Variants in GRM7 observed in about 807,000 individuals in gnomAD.
GRM7 encodes glutamate metabotropic receptor 7.
Under a neutral mutation model 84.5 loss-of-function variants are expected in GRM7, and 35 were observed. The observed-to-expected ratio is 0.41, with a 90% CI of 0.32 to 0.55. The LOEUF is 0.55. GRM7 is among the 20% of genes least tolerant of loss of function. The pLI, the probability that GRM7 is intolerant of heterozygous loss-of-function variation, is 0.19. For synonymous variants in GRM7, 487 were observed against 455.1 expected, an observed-to-expected ratio of 1.07 and a Z score of -0.89; for missense variants, 1,003 against 1,194.6, an observed-to-expected ratio of 0.84 and a Z score of 2.36.
intron 2 of GRM7, among the ~76,000 whole-genome samples, chr3:7,240,730 T>C (rs1697528295): frequency 6.6e-6 from 1 of 152,132 alleles, no homozygotes. Context: ...GGTAGCATGG[T>C]TTTTAGCATA....
At chr3:7,119,708 C>G (rs370474627) in intron 1 of GRM7, among the ~76,000 whole-genome samples, 1 of 152,096 alleles carries the variant, frequency 6.6e-6, no homozygotes, top group Admixed American at 6.6e-5. Context: ...TTTCTGTGAG[C>G]TCTTCCTCTG....
At chr3:7,600,053 C>T (rs17666242) in intron 8 of GRM7, among the ~76,000 whole-genome samples, 26,233 of 152,030 alleles carry the variant, frequency 0.17, 2,553 homozygotes, top group Middle Eastern at 0.27. Flanking sequence ...CTAAACTGTC[C>T]AAAGATGTTG....
intron 9 of GRM7, among the ~76,000 whole-genome samples, chr3:7,700,768 AG>A (rs1701198342): frequency 6.6e-6 from 1 of 152,204 alleles, no homozygotes; most frequent in South Asian, 2.1e-4. Flanking sequence ...ACGCATTGTT[AG>A]GGAAAAAAAG....
intron 1 of GRM7, among the ~76,000 whole-genome samples, chr3:7,088,625 C>A (rs923586491): frequency 1.6e-5 from 2 of 123,106 alleles, no homozygotes; most frequent in Non-Finnish European, 3.3e-5. Context: ...TTGAATGAAT[C>A]CTTTTGTTCA....
intron 2 of GRM7, among the ~76,000 whole-genome samples, chr3:7,235,648 A>G (rs112452186): frequency 5.3e-5 from 8 of 152,328 alleles, no homozygotes; most frequent in African/African-American, 1.7e-4. Context: ...CTCTCTATTT[A>G]ACACATTGCA....
intron 1 of GRM7, among the ~76,000 whole-genome samples, chr3:6,994,014 T>C (rs1375240595): frequency 6.6e-6 from 1 of 152,044 alleles, no homozygotes; most frequent in Admixed American, 6.6e-5. Flanking sequence ...TTGCCAAAAA[T>C]AGAAAACGAT....
chr3:7,029,603 T>G (rs531048659), intron 1 of GRM7, among the ~76,000 whole-genome samples: 1 of 152,252 alleles, frequency 6.6e-6, no homozygotes, highest in East Asian at 1.9e-4. Context: ...AAGCCAGCTA[T>G]AAAAGGACAA....
At chr3:6,979,929 C>T (rs1486104891) in intron 1 of GRM7, among the ~76,000 whole-genome samples, 8 of 152,026 alleles carry the variant, frequency 5.3e-5, no homozygotes, top group Non-Finnish European at 8.8e-5. Context: ...GTATGTCATT[C>T]TGTGAGGGGT....
In GRM7 at chr3:7,487,203, G is replaced by A. The variant is rs573361453; in HGVS notation, c.1515+25481G>A. On this transcript the variant is annotated intron_variant, in intron 7 of 9. Transcript: ENST00000357716. ...TAGAAGGAACTGTGTGGCTACTTTT[G>A]GCTGCTTAAGCTGAGATTCAGGAGC... Among the ~76,000 whole-genome samples the A allele has an allele frequency of 2.9e-4, 44 of 152,220 alleles. No homozygotes were observed. In the South Asian group the frequency reaches 8.7e-3, roughly 30 times the overall value.
chr3:7,356,920 T>TCTCACACACA lies in GRM7; in HGVS notation c.1033+50269_1033+50270insTCACACACAC, dbSNP rs1335613234. On this transcript the variant is annotated intron_variant, in intron 4 of 9. Transcript: ENST00000357716. ...CTATCATGGAACTTTGCCTTTTTGA[T>TCTCACACACA]CACACACACACACACACACACACAC... Among the ~76,000 whole-genome samples, 3 of 131,256 alleles carry TCTCACACACA rather than the reference T, an allele frequency of 2.3e-5. No individual in the cohort carries two copies. In the Admixed American group the frequency reaches 2.4e-4, roughly 10 times the overall value. 86.1% of individuals were successfully genotyped at this position (131,256 alleles called of 152,430 possible). A position where few individuals can be genotyped will look rare whatever the true frequency, so the allele number is the denominator to read the frequency against.
Position 6,869,820 on chromosome 3 carries a change from G to A in GRM7, c.519+7913G>A, listed in dbSNP as rs114098015. ...AGAGCAGTGGAAGTCTGGCAGCCTT[G>A]AGCTTGAATTCCATTGTGGACCCTT... is the stretch of plus-strand genomic sequence containing the variant. On this transcript the variant is annotated intron_variant, in intron 1 of 9. Coordinates refer to ENST00000357716, the MANE Select transcript of GRM7 (RefSeq NM_000844.4). 4.1e-3 allele frequency among the ~76,000 whole-genome samples: 622 copies of A among 152,288 alleles called. 3 individuals carry two copies. Among genetic ancestry groups the A allele is most frequent in the Middle Eastern group, 6.8e-3 (2 of 294 alleles).
intron 8 of GRM7, among the ~76,000 whole-genome samples, chr3:7,654,630 C>T (rs2125117513): frequency 2.0e-5 from 3 of 152,296 alleles, no homozygotes; most frequent in East Asian, 3.9e-4. Context: ...AGCCCAGCTT[C>T]TCCACTAATC....
At chr3:7,444,460 T>C (rs1368943600) in intron 5 of GRM7, among the ~76,000 whole-genome samples, 2 of 152,200 alleles carry the variant, frequency 1.3e-5, no homozygotes, top group Admixed American at 1.3e-4. Context: ...TCTTTTTGTT[T>C]GTTTGTCTGG....
intron 2 of GRM7, among the ~76,000 whole-genome samples, chr3:7,222,632 C>T (rs1240769712): frequency 6.6e-6 from 1 of 152,172 alleles, no homozygotes; most frequent in Non-Finnish European, 1.5e-5. Flanking sequence ...AGCCTGACAG[C>T]CTTCTGACCT....
chr3:7,280,156 C>T (rs1419961192), intron 2 of GRM7, among the ~76,000 whole-genome samples: 1 of 152,126 alleles, frequency 6.6e-6, no homozygotes, highest in African/African-American at 2.4e-5. Context: ...CATAAAAAGG[C>T]CTTACCCCTT....
intron 2 of GRM7, among the ~76,000 whole-genome samples, chr3:7,191,733 C>G (rs1695717853): frequency 6.6e-6 from 1 of 151,268 alleles, no homozygotes; most frequent in South Asian, 2.1e-4. Flanking sequence ...CCAGAAGTTA[C>G]TGATCAAGGG....
intron 2 of GRM7, among the ~76,000 whole-genome samples, chr3:7,241,223 A>G (rs1697546942): frequency 6.6e-6 from 1 of 152,192 alleles, no homozygotes; most frequent in Admixed American, 6.5e-5. Context: ...ACTTCCTTTG[A>G]TCAAAAGCAT....
At chr3:7,438,290 G>T (rs1417291621) in intron 5 of GRM7, among the ~76,000 whole-genome samples, 1 of 151,982 alleles carries the variant, frequency 6.6e-6, no homozygotes, top group African/African-American at 2.4e-5. Flanking sequence ...TTGTGGAGAT[G>T]GAGAGAAGGA....
intron 4 of GRM7, among the ~76,000 whole-genome samples, chr3:7,371,276 C>T (rs1694120632): frequency 6.6e-6 from 1 of 152,106 alleles, no homozygotes; most frequent in Non-Finnish European, 1.5e-5. Flanking sequence ...AGTTAGCTGG[C>T]CATGGACAAC....
Sources: gnomAD v4.1 joint callset for allele counts (sites outside exome capture counted in the v4.1 genomes callset) on GRCh38, gnomAD v4.1.1 for gene constraint, MANE v1.5 for transcripts, NCBI Gene and HGNC (gene_info 2026-07-23, HGNC 2026-07-21) for gene names.